The following TBL1X variants were observed in gnomAD, a reference collection of about 807,000 sequenced individuals.
TBL1X encodes the protein transducin beta like 1 X-linked.
TBL1X carries 10 observed loss-of-function variants against 50.7 expected under a neutral mutation model. The ratio of observed to expected loss-of-function variants is 0.20; its 90% CI spans 0.12 to 0.33. The LOEUF is 0.33. TBL1X is among the 10% of genes least tolerant of loss of function. TBL1X has a pLI of 1.00. For synonymous variants in TBL1X, 190 were observed against 214.7 expected, an observed-to-expected ratio of 0.88 and a Z score of 1.01; for missense variants, 340 against 504.4, an observed-to-expected ratio of 0.67 and a Z score of 3.12.
At chrX:9,714,398 C>T (rs1393760243) in intron 16 of TBL1X, among the ~76,000 whole-genome samples, 3 of 110,894 alleles carry the variant, frequency 2.7e-5, no homozygotes, top group Admixed American at 1.9e-4. Context: ...ATTAGATGGG[C>T]GAGAGATTTA....
At chrX:9,497,269 T>C (rs1410565613) in intron 1 of TBL1X, among the ~76,000 whole-genome samples, 1 of 108,732 alleles carries the variant, frequency 9.2e-6, no homozygotes, top group African/African-American at 3.4e-5. Flanking sequence ...ATTAGCTGGG[T>C]GTGGTGTTGT....
intron 3 of TBL1X, among the ~76,000 whole-genome samples, chrX:9,648,517 G>C (rs188852707): frequency 5.4e-4 from 60 of 112,047 alleles, no homozygotes; most frequent in African/African-American, 1.7e-3. Context: ...CTCCCCACAT[G>C]TACACCCAGA....
intron 2 of TBL1X, among the ~76,000 whole-genome samples, chrX:9,550,593 T>C (rs1251846471): frequency 2.7e-5 from 3 of 112,111 alleles, no homozygotes; most frequent in Non-Finnish European, 5.6e-5. Context: ...CGAATTCTCT[T>C]GTAGGAGTGT....
chrX:9,531,354 GGTGT>G (rs57905343), intron 2 of TBL1X, among the ~76,000 whole-genome samples: 2,042 of 75,138 alleles, frequency 0.027, 16 homozygotes, highest in African/African-American at 0.04. Flanking sequence ...GAACCTGGAG[GGTGT>G]GTGTGTGTGT....
intron 2 of TBL1X, among the ~76,000 whole-genome samples, chrX:9,599,432 C>T (rs770597331): frequency 8.9e-5 from 10 of 112,446 alleles, no homozygotes; most frequent in Non-Finnish European, 1.9e-4. Flanking sequence ...GTTCTGCTTT[C>T]ATTGCCGCCA....
chrX:9,629,705 A>T (rs1226491911), intron 2 of TBL1X, among the ~76,000 whole-genome samples: 1 of 112,031 alleles, frequency 8.9e-6, no homozygotes, highest in Non-Finnish European at 1.9e-5. Flanking sequence ...AAACGGTAGC[A>T]GCATTTGTGC....
intron 2 of TBL1X, among the ~76,000 whole-genome samples, chrX:9,522,808 C>G (rs1471289407): frequency 8.9e-6 from 1 of 111,761 alleles, no homozygotes; most frequent in Non-Finnish European, 1.9e-5. Flanking sequence ...CTTTCTCAGG[C>G]TCCCACCTTT....
chrX:9,654,757 G>C (rs1239909749), intron 5 of TBL1X, among the ~76,000 whole-genome samples: 1 of 110,853 alleles, frequency 9.0e-6, no homozygotes, highest in Non-Finnish European at 1.9e-5. Context: ...AGGAATCGTC[G>C]TAGCATCTTC....
intron 1 of TBL1X, among the ~76,000 whole-genome samples, chrX:9,481,152 T>C (rs754055142): frequency 8.9e-6 from 1 of 111,863 alleles, no homozygotes; most frequent in Admixed American, 9.5e-5. Flanking sequence ...TTCTGATAAC[T>C]TTGGAGATTG....
chrX:9,689,052 G>A (rs1006828663), intron 7 of TBL1X, among the ~76,000 whole-genome samples: 2 of 113,660 alleles, frequency 1.8e-5, no homozygotes, highest in Admixed American at 9.2e-5. Context: ...GCGTATATGC[G>A]TGTGCGCACC....
rs770576760 is a variant in TBL1X at position 9,651,676 on chromosome X, C to T, written c.-42-1869C>T. 2.7e-5 allele frequency among the ~76,000 whole-genome samples: 3 copies of T among 112,532 alleles called. No homozygotes were observed. In the East Asian group the frequency reaches 8.3e-4, roughly 31 times the overall value. On this transcript the variant is annotated intron_variant, in intron 3 of 17. Transcript: ENST00000645353. ...CTTATTTTGTCTCTAATATTTTCTT[C>T]TGCATGCTGTCTTTTGAGAGACCTC...
chrX:9,569,732 T>G, intron 2 of TBL1X, among the ~76,000 whole-genome samples: 1 of 112,060 alleles, frequency 8.9e-6, no homozygotes, highest in South Asian at 3.7e-4. Flanking sequence ...ATTTGTGAAA[T>G]CTAAGCACAT....
chrX:9,699,335 C>G (rs992881258), intron 12 of TBL1X, among the ~76,000 whole-genome samples: 19 of 111,277 alleles, frequency 1.7e-4, no homozygotes, highest in African/African-American at 5.9e-4. Context: ...AGATGGCCAC[C>G]CGCAGAGCTA....
chrX:9,673,858 G>C (rs1454514763), intron 5 of TBL1X, among the ~76,000 whole-genome samples: 3 of 111,707 alleles, frequency 2.7e-5, no homozygotes, highest in African/African-American at 9.8e-5. Context: ...CCTGAGGTCA[G>C]GAGTTTGAGA....
chrX:9,576,437 G>A (rs1458250167), intron 2 of TBL1X, among the ~76,000 whole-genome samples: 1 of 112,288 alleles, frequency 8.9e-6, no homozygotes, highest in Non-Finnish European at 1.9e-5. Context: ...TCATTGAGAT[G>A]GGGCCAGATA....
At position 9,512,498 on chromosome X, in the gene TBL1X, G is replaced by A. The variant is rs1489907429; in HGVS notation, c.-131+10649G>A. Reference sequence around the variant, plus strand: ...GGGCTTTCAGACTTTCTCTATGTACGTTTTTTTGTTTTTTGGTTTTTTTTT... The same window carrying A: ...GGGCTTTCAGACTTTCTCTATGTACATTTTTTTGTTTTTTGGTTTTTTTTT... On this transcript the variant is annotated intron_variant, in intron 2 of 17. Coordinates refer to ENST00000645353, the MANE Select transcript of TBL1X (RefSeq NM_005647.4). Among the ~76,000 whole-genome samples, 4 of 87,338 alleles carry A rather than the reference G, an allele frequency of 4.6e-5. No homozygotes were observed. In the East Asian group the frequency reaches 1.2e-3, roughly 26 times the overall value. The allele number at this position is 87,338 out of a possible 115,157, so 75.8% of individuals were successfully genotyped here. A position where few individuals can be genotyped will look rare whatever the true frequency, so the allele number is the denominator to read the frequency against.
intron 2 of TBL1X, among the ~76,000 whole-genome samples, chrX:9,619,794 T>A (rs1443421330): frequency 1.8e-5 from 2 of 111,528 alleles, no homozygotes; most frequent in African/African-American, 6.5e-5. Context: ...AGCTGCGAGC[T>A]TACATCCTCA....
At chrX:9,466,235 C>T (rs112024597) in intron 1 of TBL1X, among the ~76,000 whole-genome samples, 1,826 of 112,549 alleles carry the variant, frequency 0.016, 48 homozygotes, top group African/African-American at 0.056. Context: ...GGGGACCTTC[C>T]CTAACGATGG....
At chrX:9,685,307 T>C (rs758750916) in intron 6 of TBL1X, among the ~76,000 whole-genome samples, 13 of 112,066 alleles carry the variant, frequency 1.2e-4, no homozygotes, top group Middle Eastern at 4.7e-3. Flanking sequence ...ATTTTATTTT[T>C]AGAGACTGAG....
Sources: gnomAD v4.1 joint callset for allele counts (sites outside exome capture counted in the v4.1 genomes callset) on GRCh38, gnomAD v4.1.1 for gene constraint, MANE v1.5 for transcripts, NCBI Gene and HGNC (gene_info 2026-07-23, HGNC 2026-07-21) for gene names.